IL17RD: variants seen among roughly 807,000 people sequenced by gnomAD.
IL17RD encodes interleukin-17 receptor D.
A neutral mutation model predicts 80.5 loss-of-function variants in IL17RD; 52 were observed. The ratio of observed to expected loss-of-function variants is 0.65; its 90% confidence interval spans 0.52 to 0.81. IL17RD has a LOEUF of 0.81. Ranked by LOEUF, IL17RD falls within the 40% of genes least tolerant of loss-of-function variation. The pLI is 0.00. For missense variants in IL17RD, 1,024 were observed against 955.1 expected, an observed-to-expected ratio of 1.07 and a Z score of -0.95; for synonymous variants, 416 against 391.8, an observed-to-expected ratio of 1.06 and a Z score of -0.73.
chr3:57,121,372 G>A (rs981978503), intron 1 of IL17RD, among the ~76,000 whole-genome samples: 29 of 152,088 alleles, frequency 1.9e-4, no homozygotes, highest in African/African-American at 5.3e-4. Flanking sequence ...GCATCTTCAC[G>A]CTGCTTATCC....
upstream of IL17RD, among the ~76,000 whole-genome samples, chr3:57,165,661 ATAATTT>A (rs1006927617): frequency 6.6e-6 from 1 of 152,132 alleles, no homozygotes; most frequent in African/African-American, 2.4e-5. Flanking sequence ...TGTAATAATA[ATAATTT>A]TAATAATAAT....
At chr3:57,101,045 C>A in intron 11 of IL17RD, 134 bp downstream of exon 11, 1 of 636,620 alleles carries the variant, frequency 1.6e-6, no homozygotes. Context: ...AGACTATCCC[C>A]AGTTTGAAAG....
In IL17RD at chr3:57,110,135, A is replaced by G. The variant is rs374331156; in HGVS notation, c.429+58T>C. On this transcript the variant is annotated intron_variant, in intron 4 of 12. Coordinates refer to ENST00000296318, the MANE Select transcript of IL17RD (RefSeq NM_017563.5). Reference sequence around the variant, plus strand: ...TCCAATTTCAGACTTTGAATACACTATTCAGGACCCTGGAACAATGGCATG... The same window carrying G: ...TCCAATTTCAGACTTTGAATACACTGTTCAGGACCCTGGAACAATGGCATG... 69 of 1,549,660 alleles carry G rather than the reference A, an allele frequency of 4.5e-5. 1 individual carries two copies. Among genetic ancestry groups the G allele is most frequent in the East Asian group, 4.1e-4 (17 of 41,068 alleles).
chr3:57,103,133 T>G lies in IL17RD; in HGVS notation c.826A>C (p.Thr276Pro). ...TGCATCACTTTTCTTGTTGTGTTAG[T>G]GTCATCCACCAGCTGCAAAACAGAG... ...GDYIIELVDD[T>P]NTTRKVMHYA... The change falls in exon 9 of 13, where the codon ACT (threonine) becomes CCT (proline). Residue 276 changes from threonine to proline, a missense_variant. Transcript: ENST00000296318. 6.2e-7 allele frequency: 1 copy of G among 1,603,398 alleles called. No homozygotes were observed. The highest frequency in any genetic ancestry group is 8.5e-7 in the Non-Finnish European group (1 of 1,174,398).
upstream of IL17RD, among the ~76,000 whole-genome samples, chr3:57,169,808 A>C (rs950530265): frequency 6.7e-5 from 10 of 148,790 alleles, no homozygotes; most frequent in Admixed American, 2.0e-4. Flanking sequence ...TATGTGGAGA[A>C]CTGGTACCCA....
intron 1 of IL17RD, among the ~76,000 whole-genome samples, chr3:57,129,910 T>G (rs948477857): frequency 6.6e-6 from 1 of 152,172 alleles, no homozygotes; most frequent in African/African-American, 2.4e-5. Context: ...CAAGCATCCT[T>G]TTAAATGCCC....
chr3:57,126,261 AGCTAAGCAG>A (rs748640226), intron 1 of IL17RD, among the ~76,000 whole-genome samples: 6 of 152,186 alleles, frequency 3.9e-5, no homozygotes, highest in Admixed American at 1.3e-4. Context: ...TTCCAAAGGG[AGCTAAGCAG>A]CAAGCCCCGG....
intron 2 of IL17RD, among the ~76,000 whole-genome samples, chr3:57,119,087 T>C (rs1707278234): frequency 6.6e-6 from 1 of 152,078 alleles, no homozygotes; most frequent in South Asian, 2.1e-4. Context: ...GCGCGGTGGC[T>C]CACTCCTGTA....
chr3:57,160,691 C>G (rs1446957925), intron 1 of IL17RD, among the ~76,000 whole-genome samples: 1 of 152,204 alleles, frequency 6.6e-6, no homozygotes, highest in Non-Finnish European at 1.5e-5. Flanking sequence ...AATTTAAAGC[C>G]AAACTCTGAT....
At chr3:57,106,180 T>G in intron 5 of IL17RD, 26 bp from the exon 6 acceptor site, 1 of 1,577,458 alleles carries the variant, frequency 6.3e-7, no homozygotes, top group Non-Finnish European at 8.7e-7. Flanking sequence ...AGATACATGT[T>G]TTTAGTTTTA....
At position 57,127,365 on chromosome 3, in the gene IL17RD, A is replaced by AAT. The variant is rs1355143693; in HGVS notation, c.127-7054_127-7053dup. 1.3e-3 allele frequency among the ~76,000 whole-genome samples: 98 copies of AAT among 78,046 alleles called. 13 individuals carry two copies. Among genetic ancestry groups the AAT allele is most frequent in the African/African-American group, 3.4e-3 (62 of 18,500 alleles). 51.2% of individuals were successfully genotyped at this position (78,046 alleles called of 152,430 possible). A position where few individuals can be genotyped will look rare whatever the true frequency, so the allele number is the denominator to read the frequency against. On this transcript the variant is annotated intron_variant, in intron 1 of 12. Transcript: ENST00000296318. ...ATATATATAAATATATATAAATATAAATATATATATATAAATAAATAAATA... is the reference window on the plus strand; with the variant it reads ...ATATATATAAATATATATAAATATAAATATATATATATATAAATAAATAAATA...
chr3:57,108,488 T>G (rs568096304), intron 5 of IL17RD, among the ~76,000 whole-genome samples: 16 of 139,736 alleles, frequency 1.1e-4, no homozygotes, highest in African/African-American at 4.0e-4. Context: ...TTTTCTTTAA[T>G]CTAATCGTTT....
intron 3 of IL17RD, among the ~76,000 whole-genome samples, chr3:57,111,924 T>C (rs2107486262): frequency 6.7e-6 from 1 of 148,598 alleles, no homozygotes; most frequent in African/African-American, 2.5e-5. Context: ...ATCATGCCAC[T>C]GCACTCCAGC....
intron 1 of IL17RD, among the ~76,000 whole-genome samples, chr3:57,146,878 C>CA (rs1707942733): frequency 8.2e-6 from 1 of 122,158 alleles, no homozygotes; most frequent in Non-Finnish European, 1.5e-5. Context: ...AGTGCAATGG[C>CA]ACAATCTTGA....
intron 4 of IL17RD, 45 bp downstream of exon 4, chr3:57,110,148 G>A (rs1313332794): frequency 6.4e-7 from 1 of 1,555,220 alleles, no homozygotes; most frequent in South Asian, 1.2e-5. Context: ...CAGGACCCTG[G>A]AACAATGGCA....
intron 1 of IL17RD, among the ~76,000 whole-genome samples, chr3:57,136,641 CA>C (rs59941543): frequency 0.053 from 2,536 of 48,124 alleles, 21 homozygotes; most frequent in African/African-American, 0.1. Flanking sequence ...AACCCCCACT[CA>C]AAAAAAAAAA....
At chr3:57,104,297 G>T in intron 8 of IL17RD, 45 bp downstream of exon 8, 2 of 1,295,962 alleles carry the variant, frequency 1.5e-6, no homozygotes, top group Non-Finnish European at 2.2e-6. Flanking sequence ...ATATGAACTG[G>T]GTTCATTCTA....
At position 57,104,185 on chromosome 3, in the gene IL17RD, T is replaced by C. The variant is rs887518621; in HGVS notation, c.813+157A>G. 6.6e-6 allele frequency among the ~76,000 whole-genome samples: 1 copy of C among 151,652 alleles called. No homozygotes were observed. Among genetic ancestry groups the C allele is most frequent in the Middle Eastern group, 3.2e-3 (1 of 308 alleles). The stretch of plus-strand genomic sequence containing the variant: ...TAATGAAGAGATCAAAAATCAATTA[T>C]ATATAAACTTTTTTTAAAAGCATGT... On this transcript the variant is annotated intron_variant, in intron 8 of 12. Coordinates refer to ENST00000296318, the MANE Select transcript of IL17RD (RefSeq NM_017563.5).
At chr3:57,119,648 ACCCAGTT>A (rs1707291251) in intron 2 of IL17RD, among the ~76,000 whole-genome samples, 1 of 150,194 alleles carries the variant, frequency 6.7e-6, no homozygotes, top group Non-Finnish European at 1.5e-5. Context: ...CCCATCTGGA[ACCCAGTT>A]TCACACAGAT....
Sources: allele counts gnomAD v4.1 joint callset (sites outside exome capture counted in the v4.1 genomes callset), GRCh38; gene constraint gnomAD v4.1.1; transcripts MANE v1.5; gene names NCBI Gene and HGNC (gene_info 2026-07-23, HGNC 2026-07-21).